Variants in TRIM21 observed in about 807,000 individuals in gnomAD.
TRIM21 encodes the protein tripartite motif containing 21, also known as E3 ubiquitin-protein ligase TRIM21.
In TRIM21, 35 loss-of-function variants were observed where a neutral mutation model predicts 36.1. The ratio of observed to expected loss-of-function variants is 0.97; its 90% CI spans 0.74 to 1.28. The LOEUF (loss-of-function observed/expected upper bound fraction) is 1.28. TRIM21 is among the 50% of genes most tolerant of loss of function. TRIM21 has a pLI of 0.00. For synonymous variants in TRIM21, 256 were observed against 211.5 expected (o/e 1.21, Z -1.83); for missense variants, 635 against 570.7 (o/e 1.11, Z -1.15).
rs754398901 is a variant in TRIM21 at position 4,386,162 on chromosome 11, CAT to C, written c.852_853del (p.Ala286SerfsTer36). Reference sequence around the variant, plus strand: ...AAAACTAGAACTTGCCTCACCTGCACATGTCCTCAGCATCTTCTTCAGCCCTG... The same window carrying C: ...AAAACTAGAACTTGCCTCACCTGCACGTCCTCAGCATCTTCTTCAGCCCTG... On this transcript the variant is annotated frameshift_variant, in exon 6 of 7. Transcript: ENST00000254436. LOFTEE classifies it low-confidence loss of function (END_TRUNC). The C allele has an allele frequency of 6.2e-7, 1 of 1,613,138 alleles. No homozygotes were observed. The highest frequency in any genetic ancestry group is 8.5e-7 in the Non-Finnish European group (1 of 1,179,858).
chr11:4,386,839 T>G (rs74521947), intron 5 of TRIM21, 129 bp downstream of exon 5: 2 of 910,482 alleles, frequency 2.2e-6, no homozygotes, highest in East Asian at 2.7e-5. Flanking sequence ...TTATAGAGAA[T>G]GAAGTTTTTG....
intron 4 of TRIM21, among the ~76,000 whole-genome samples, chr11:4,387,768 T>C (rs1590836546): frequency 6.6e-6 from 1 of 151,944 alleles, no homozygotes; most frequent in African/African-American, 2.4e-5. Context: ...GAGGCGGAGG[T>C]TGCAGTGAGC....
rs2094954653 is a variant in TRIM21 at position 4,385,214 on chromosome 11, G to C, written c.*71C>G. ...AGACAAAGGTGGTTCAGAGTTCATG[G>C]GGAAAAGAGGCAGGGTTTGTGGCTG... On this transcript the variant is annotated 3_prime_UTR_variant, in exon 7 of 7. Transcript: ENST00000254436. The C allele has an allele frequency of 6.9e-6, 10 of 1,445,972 alleles. No individual in the cohort carries two copies. Among genetic ancestry groups the C allele is most frequent in the Non-Finnish European group, 9.3e-6 (10 of 1,072,002 alleles). 89.6% of individuals were successfully genotyped at this position (1,445,972 alleles called of 1,614,324 possible).
intron 4 of TRIM21, among the ~76,000 whole-genome samples, chr11:4,387,585 G>A (rs2094957895): frequency 6.6e-6 from 1 of 152,168 alleles, no homozygotes; most frequent in Non-Finnish European, 1.5e-5. Flanking sequence ...GACAGGTGTA[G>A]TGGCTCACTC....
chr11:4,387,855 A>C (rs2094958226), intron 4 of TRIM21, among the ~76,000 whole-genome samples: 1 of 141,760 alleles, frequency 7.1e-6, no homozygotes, highest in African/African-American at 2.7e-5. Flanking sequence ...TAAATAAATA[A>C]ATAGAAAGCC....
intron 1 of TRIM21, among the ~76,000 whole-genome samples, chr11:4,391,500 T>G (rs1217611901): frequency 6.6e-6 from 1 of 152,310 alleles, no homozygotes. Context: ...GTACAATCAC[T>G]ACAGAGAACA....
chr11:4,389,819 T>G (rs1015588257), intron 2 of TRIM21, 70 bp from the exon 3 acceptor site: 11 of 1,524,998 alleles, frequency 7.2e-6, no homozygotes, highest in Non-Finnish European at 9.1e-6. Context: ...CCTTGCAGCA[T>G]TTTCTCATGC....
intron 1 of TRIM21, among the ~76,000 whole-genome samples, chr11:4,391,076 GATCAC>G (rs765722471): frequency 9.2e-5 from 14 of 152,170 alleles, no homozygotes; most frequent in Non-Finnish European, 1.6e-4. Flanking sequence ...GGACAAATGG[GATCAC>G]ATCATGTTGA....
At chr11:4,386,290 C>A in intron 5 of TRIM21, 33 bp from the exon 6 acceptor site, 1 of 1,538,396 alleles carries the variant, frequency 6.5e-7, no homozygotes, top group Non-Finnish European at 9.0e-7. Flanking sequence ...CTCCTGTCTC[C>A]TACTCCTATC....
chr11:4,386,870 G>C, intron 5 of TRIM21, 98 bp downstream of exon 5: 2 of 1,291,846 alleles, frequency 1.5e-6, no homozygotes, highest in South Asian at 2.8e-5. Context: ...GCCAGATGGG[G>C]AAAACTTCAG....
At chr11:4,386,040 ATC>A (rs1319131646) in intron 6 of TRIM21, 115 bp downstream of exon 6, 1 of 1,125,694 alleles carries the variant, frequency 8.9e-7, no homozygotes, top group African/African-American at 1.5e-5. Flanking sequence ...CCTTACCTCC[ATC>A]TCTGTTCCCC....
At chr11:4,390,738 A>G (rs939474671) in intron 1 of TRIM21, among the ~76,000 whole-genome samples, 1 of 152,176 alleles carries the variant, frequency 6.6e-6, no homozygotes, top group Non-Finnish European at 1.5e-5. Flanking sequence ...AGACACATAG[A>G]CCAGTAGAAT....
chr11:4,385,147 C>A lies in TRIM21; in HGVS notation c.*138G>T. Reference sequence around the variant, plus strand: ...AGGAATGTTGATGGTGAAGTGACTTCCCTGCTAAAGCTCGCTTGCTGGGAT... The same window carrying A: ...AGGAATGTTGATGGTGAAGTGACTTACCTGCTAAAGCTCGCTTGCTGGGAT... On this transcript the variant is annotated 3_prime_UTR_variant, in exon 7 of 7. Coordinates refer to ENST00000254436, the MANE Select transcript of TRIM21 (RefSeq NM_003141.4). The A allele has an allele frequency of 7.6e-6, 6 of 785,496 alleles. No individual in the cohort carries two copies. Among genetic ancestry groups the A allele is most frequent in the Non-Finnish European group, 1.2e-5 (6 of 506,694 alleles). 48.7% of individuals were successfully genotyped at this position (785,496 alleles called of 1,614,324 possible).
At position 4,390,402 on chromosome 11, in the gene TRIM21, G is replaced by A; in HGVS notation, c.8C>T (p.Ser3Leu). MA[S>L]AARLTMMWEE... is the part of the protein sequence containing the mutation. ...CCACATCATTGTCAAGCGTGCTGCT[G>A]AAGCCATTGTCAAGTGTGCCGTTAA... is the stretch of plus-strand genomic sequence containing the variant. The change falls in exon 2 of 7, where the codon TCA (serine) becomes TTA (leucine). Residue 3 changes from serine (S) to leucine (L), a missense_variant. By Grantham distance (145) the Ser-to-Leu change is moderately radical. Coordinates refer to ENST00000254436, the MANE Select transcript of TRIM21 (RefSeq NM_003141.4). 6.2e-7 allele frequency: 1 copy of A among 1,604,790 alleles called. No homozygotes were observed. The highest frequency in any genetic ancestry group is 8.5e-7 in the Non-Finnish European group (1 of 1,172,724).
In TRIM21 at chr11:4,388,364, G is replaced by A. The variant is rs760380325; in HGVS notation, c.671C>T (p.Ala224Val). 6.2e-7 allele frequency: 1 copy of A among 1,613,934 alleles called. No homozygotes were observed. The highest frequency in any genetic ancestry group is 8.5e-7 in the Non-Finnish European group (1 of 1,179,886). Residue 224 changes from alanine to valine, a missense_variant, in exon 4 of 7, where the codon GCC becomes GTC. By Grantham distance (64) the Ala-to-Val change is moderately conservative. Transcript: ENST00000254436. ...KEAKLAQQSQALQELISELDR... is the reference protein window; with the variant it reads ...KEAKLAQQSQVLQELISELDR... ...TAGCTCTGAGATGAGCTCCTGTAGG[G>A]CCTGGCTCTGCTGGGCCAGCTTGGC...
intron 5 of TRIM21, 169 bp from the exon 6 acceptor site, chr11:4,386,426 A>G: frequency 1.5e-6 from 1 of 682,042 alleles, no homozygotes; most frequent in Middle Eastern, 3.5e-4. Flanking sequence ...TGCAGGATTT[A>G]GTTTCTACCC....
intron 2 of TRIM21, 65 bp from the exon 3 acceptor site, chr11:4,389,814 C>T (rs1282769619): frequency 6.5e-7 from 1 of 1,541,524 alleles, no homozygotes; most frequent in Non-Finnish European, 9.0e-7. Flanking sequence ...GTAATCCTTG[C>T]AGCATTTTCT....
At chr11:4,389,342 A>T (rs2094960002) in intron 3 of TRIM21, among the ~76,000 whole-genome samples, 2 of 152,326 alleles carry the variant, frequency 1.3e-5, no homozygotes, top group Admixed American at 6.5e-5. Context: ...TCACACATCC[A>T]GGTGCTGACG....
At chr11:4,392,403 C>A (rs191749782) in intron 1 of TRIM21, among the ~76,000 whole-genome samples, 1 of 152,148 alleles carries the variant, frequency 6.6e-6, no homozygotes, top group East Asian at 1.9e-4. Context: ...CCTGTCTCTA[C>A]TAAAAATACA....
Sources: gnomAD v4.1 joint callset for allele counts (sites outside exome capture counted in the v4.1 genomes callset) on GRCh38, gnomAD v4.1.1 for gene constraint, MANE v1.5 for transcripts, NCBI Gene and HGNC (gene_info 2026-07-23, HGNC 2026-07-21) for gene names.